Variants in MAN2A1 observed in about 807,000 individuals in gnomAD.
The protein encoded by MAN2A1 is mannosidase alpha class 2A member 1.
In MAN2A1, 76 loss-of-function variants were observed where a neutral mutation model predicts 142.6. That is an observed-to-expected ratio of 0.53 (90% CI 0.44 to 0.65). MAN2A1 has a LOEUF of 0.65. Ranked by LOEUF, MAN2A1 falls within the 30% of genes least tolerant of loss-of-function variation. The probability of loss-of-function intolerance (pLI) is 0.00; values close to 1 mark genes in which losing one functional copy is unlikely to be tolerated. For missense variants in MAN2A1, 1,311 were observed against 1,365.1 expected (o/e 0.96, Z 0.62); for synonymous variants, 559 against 473.2 (o/e 1.18, Z -2.35).
Position 109,690,162 on chromosome 5 carries a change from C to A in MAN2A1, c.-256C>A, listed in dbSNP as rs1428618552. The stretch of plus-strand genomic sequence containing the variant: ...GATCAAGTTTGTGGGGGCCCCCCTT[C>A]CCAGTTGCCGGCGAGTCTCGCCTCG... On this transcript the variant is annotated 5_prime_UTR_variant, in exon 1 of 22. Transcript: ENST00000261483. 2.2e-6 allele frequency: 1 copy of A among 451,452 alleles called. No individual in the cohort carries two copies. The highest frequency in any genetic ancestry group is 2.0e-5 in the African/African-American group (1 of 49,404). The allele number at this position is 451,452 out of a possible 1,614,324, so 28.0% of individuals were successfully genotyped here. A position where few individuals can be genotyped will look rare whatever the true frequency, so the allele number is the denominator to read the frequency against.
chr5:109,750,254 T>C (rs1752510159), intron 4 of MAN2A1, among the ~76,000 whole-genome samples: 1 of 152,070 alleles, frequency 6.6e-6, no homozygotes. Flanking sequence ...CAGGGCAAAT[T>C]TGTGTCCTTC....
At chr5:109,769,605 A>G (rs1753086652) in intron 6 of MAN2A1, among the ~76,000 whole-genome samples, 1 of 152,240 alleles carries the variant, frequency 6.6e-6, no homozygotes, top group Non-Finnish European at 1.5e-5. Flanking sequence ...CTCCAGGCCA[A>G]CATGTGATAA....
At chr5:109,692,708 T>C (rs896976586) in intron 1 of MAN2A1, among the ~76,000 whole-genome samples, 1 of 151,254 alleles carries the variant, frequency 6.6e-6, no homozygotes, top group African/African-American at 2.4e-5. Flanking sequence ...TGGAAAGATC[T>C]GATGTAAAAT....
In MAN2A1 at chr5:109,761,084, A is replaced by G. The variant is rs180876511; in HGVS notation, c.835+5628A>G. On this transcript the variant is annotated intron_variant, in intron 5 of 21. Coordinates refer to ENST00000261483, the MANE Select transcript of MAN2A1 (RefSeq NM_002372.4). ...GTATATAAGAAAATTTTTCATATGC[A>G]TGTGTATATGTGTGGTCTAAAGTTG... Among the ~76,000 whole-genome samples, 136 of 151,154 alleles carry G rather than the reference A, an allele frequency of 9.0e-4. 1 individual carries two copies. The highest frequency in any genetic ancestry group is 7.4e-5 in the Non-Finnish European group (5 of 67,696).
chr5:109,749,473 C>G (rs1214380166), intron 4 of MAN2A1, among the ~76,000 whole-genome samples: 3 of 152,056 alleles, frequency 2.0e-5, no homozygotes, highest in Non-Finnish European at 1.5e-5. Flanking sequence ...CCATTAGTTA[C>G]AAGTCAACTC....
At position 109,820,309 on chromosome 5, in the gene MAN2A1, T is replaced by C; in HGVS notation, c.2418T>C (p.Gly806=). The change falls in exon 15 of 22, where the codon GGT becomes GGC. Residue 806 remains glycine (G), a synonymous_variant. Coordinates refer to ENST00000261483, the MANE Select transcript of MAN2A1 (RefSeq NM_002372.4). ...YGTTIKRDKS[G]AYLFLPDGNA... ...CCACAATTAAAAGAGACAAAAGTGGTGCCTACCTCTTCTTACCTGATGGTA... is the reference window on the plus strand; with the variant it reads ...CCACAATTAAAAGAGACAAAAGTGGCGCCTACCTCTTCTTACCTGATGGTA... The C allele has an allele frequency of 1.2e-6, 2 of 1,613,622 alleles. No homozygotes were observed. Among genetic ancestry groups the C allele is most frequent in the East Asian group, 2.2e-5 (1 of 44,842 alleles).
intron 4 of MAN2A1, among the ~76,000 whole-genome samples, chr5:109,751,106 A>G (rs1316851889): frequency 1.3e-5 from 2 of 152,054 alleles, no homozygotes; most frequent in African/African-American, 4.8e-5. Context: ...TACCCATTAA[A>G]CAACTTCTCT....
At chr5:109,741,167 G>A (rs370683682) in intron 4 of MAN2A1, among the ~76,000 whole-genome samples, 2 of 152,122 alleles carry the variant, frequency 1.3e-5, no homozygotes, top group South Asian at 4.2e-4. Flanking sequence ...AGGCTTGATC[G>A]TGAACAGTAT....
chr5:109,761,211 T>A (rs147242473), intron 5 of MAN2A1, among the ~76,000 whole-genome samples: 1 of 151,482 alleles, frequency 6.6e-6, no homozygotes, highest in Non-Finnish European at 1.5e-5. Flanking sequence ...TAAATACTTA[T>A]AGTATTTAGA....
At chr5:109,768,315 CTATT>C (rs1753050012) in intron 6 of MAN2A1, among the ~76,000 whole-genome samples, 1 of 152,122 alleles carries the variant, frequency 6.6e-6, no homozygotes, top group African/African-American at 2.4e-5. Flanking sequence ...ACCTTATTTT[CTATT>C]TATTTATCGA....
intron 13 of MAN2A1, among the ~76,000 whole-genome samples, chr5:109,818,841 A>G (rs1000708675): frequency 5.3e-5 from 8 of 152,198 alleles, no homozygotes; most frequent in Admixed American, 3.9e-4. Context: ...ATAAACTGAG[A>G]CATGTATGGT....
At position 109,729,621 on chromosome 5, in the gene MAN2A1, CTT is replaced by C. The variant is rs1018842669; in HGVS notation, c.707+109_707+110del. The C allele has an allele frequency of 1.0e-5, 6 of 600,154 alleles. No individual in the cohort carries two copies. The African/African-American group carries it at 1.2e-4, about 12-fold the overall frequency. 37.2% of individuals were successfully genotyped at this position (600,154 alleles called of 1,614,324 possible). A position where few individuals can be genotyped will look rare whatever the true frequency, so the allele number is the denominator to read the frequency against. On this transcript the variant is annotated intron_variant, in intron 4 of 21. Transcript: ENST00000261483. ...AAAATTCTTAGCTTTATATTTGAAA[CTT>C]AAAATATTTCTTCACATACCGTTTT...
At chr5:109,836,988 G>A (rs1755073099) in intron 16 of MAN2A1, among the ~76,000 whole-genome samples, 1 of 151,478 alleles carries the variant, frequency 6.6e-6, no homozygotes. Context: ...AAGAGAGACA[G>A]TTACCTCATT....
chr5:109,713,431 C>CA, intron 1 of MAN2A1, 89 bp from the exon 2 acceptor site: 1 of 1,162,670 alleles, frequency 8.6e-7, no homozygotes, highest in Non-Finnish European at 1.2e-6. Flanking sequence ...CCCTCGTAGG[C>CA]AACCACATAA....
chr5:109,765,168 C>T (rs1178888120), intron 5 of MAN2A1, among the ~76,000 whole-genome samples: 1 of 152,052 alleles, frequency 6.6e-6, no homozygotes, highest in East Asian at 1.9e-4. Flanking sequence ...CGCTTTTCCC[C>T]CCACCCAGTC....
At chr5:109,757,137 A>G (rs778417569) in intron 5 of MAN2A1, among the ~76,000 whole-genome samples, 3 of 152,046 alleles carry the variant, frequency 2.0e-5, no homozygotes, top group Non-Finnish European at 4.4e-5. Context: ...GTAATAAATT[A>G]TAGGTGTGAG....
chr5:109,769,913 C>T (rs545263953), intron 6 of MAN2A1, among the ~76,000 whole-genome samples: 13 of 152,202 alleles, frequency 8.5e-5, no homozygotes, highest in African/African-American at 2.6e-4. Context: ...TCTTCCATCC[C>T]TTTTTTACTC....
At chr5:109,840,178 T>A (rs1214354983) in intron 16 of MAN2A1, 1 of 203,584 alleles carries the variant, frequency 4.9e-6, no homozygotes, top group Non-Finnish European at 9.9e-6. Flanking sequence ...GTCTCATAAA[T>A]CTTGTGGCTT....
chr5:109,856,367 A>G lies in MAN2A1; in HGVS notation c.3171+1033A>G, dbSNP rs376843982. Among the ~76,000 whole-genome samples, 8 of 152,308 alleles carry G rather than the reference A, an allele frequency of 5.3e-5. No homozygotes were observed. The South Asian group carries it at 1.7e-3, about 32-fold the overall frequency. On this transcript the variant is annotated intron_variant, in intron 20 of 21. Transcript: ENST00000261483. ...CTAAATAATGTTTTAACAAAGAGCC[A>G]TAAATCCTCTAGAGACAAGACAAAG...
Sources: allele counts gnomAD v4.1 joint callset (sites outside exome capture counted in the v4.1 genomes callset), GRCh38; gene constraint gnomAD v4.1.1; transcripts MANE v1.5; gene names NCBI Gene and HGNC (gene_info 2026-07-23, HGNC 2026-07-21).